The following PCDHGA8 variants were observed in gnomAD, a reference collection of about 807,000 sequenced individuals.
PCDHGA8 encodes protocadherin gamma-A8.
Under a neutral mutation model 59.2 loss-of-function variants are expected in PCDHGA8, and 45 were observed. The ratio of observed to expected loss-of-function variants is 0.76; its 90% CI spans 0.60 to 0.98. PCDHGA8 has a LOEUF of 0.98. PCDHGA8 is among the 50% of genes least tolerant of loss of function. PCDHGA8 has a pLI of 0.00. For missense variants in PCDHGA8, 1,257 were observed against 1,196.2 expected, an observed-to-expected ratio of 1.05 and a Z score of -0.75; for synonymous variants, 531 against 519.0, an observed-to-expected ratio of 1.02 and a Z score of -0.32.
In PCDHGA8 at chr5:141,394,790, G is replaced by A. The variant is rs776824024; in HGVS notation, c.1977G>A (p.Thr659=). The A allele has an allele frequency of 2.4e-5, 39 of 1,613,718 alleles. No homozygotes were observed. The African/African-American group carries it at 3.2e-4, about 13-fold the overall frequency. ...HGQPPLSATV[T]LTVAVADSIP... ...AGCCCCCTCTCTCCGCCACTGTCAC[G>A]CTCACCGTAGCCGTGGCTGACAGCA... Residue 659 remains threonine (T), a synonymous_variant, in exon 1 of 4, where the codon ACG becomes ACA. Transcript: ENST00000398604.
In PCDHGA8 at chr5:141,476,850, A is replaced by G. The variant is rs747333239; in HGVS notation, c.2425-17957A>G. The G allele has an allele frequency of 1.2e-6, 2 of 1,613,836 alleles. No individual in the cohort carries two copies. Among genetic ancestry groups the G allele is most frequent in the Admixed American group, 3.3e-5 (2 of 60,030 alleles). ...GCGAATGACAATGCGCCTGTCTTCA[A>G]CCAGTCCTTGTACCGGGCGCGCGTC... is the stretch of plus-strand genomic sequence containing the variant. On this transcript the variant is annotated intron_variant, in intron 1 of 3. Transcript: ENST00000398604. The surrounding 1 kb of genome is among the most constrained non-coding windows in gnomAD (Gnocchi z 7.6).
In PCDHGA8 at chr5:141,431,561, G is replaced by T; in HGVS notation, c.2424+36324G>T. The T allele has an allele frequency of 6.2e-7, 1 of 1,614,146 alleles. No homozygotes were observed. On this transcript the variant is annotated intron_variant, in intron 1 of 3. Transcript: ENST00000398604. This position sits in a 1 kb window ranked among gnomAD's most constrained non-coding sequence, Gnocchi z 4.8. Reference sequence around the variant, plus strand: ...GCAGCTGCTTGTAGTCAACGCTACCGACCCTGACGAAGGAGTCAATGCGGA... The same window carrying T: ...GCAGCTGCTTGTAGTCAACGCTACCTACCCTGACGAAGGAGTCAATGCGGA...
chr5:141,443,223 A>G (rs2098374731), intron 1 of PCDHGA8, among the ~76,000 whole-genome samples: 1 of 152,044 alleles, frequency 6.6e-6, no homozygotes, highest in African/African-American at 2.4e-5. Flanking sequence ...AGGCGCATCT[A>G]TAATCTTAGC....
chr5:141,415,427 G>C, intron 1 of PCDHGA8: 3 of 1,614,188 alleles, frequency 1.9e-6, no homozygotes, highest in Non-Finnish European at 2.5e-6. Flanking sequence ...GACGGGGTTC[G>C]GGCTTTCCTG....
At chr5:141,481,035 G>C (rs1342607604) in intron 1 of PCDHGA8, among the ~76,000 whole-genome samples, 1 of 152,094 alleles carries the variant, frequency 6.6e-6, no homozygotes, top group Non-Finnish European at 1.5e-5. Flanking sequence ...TCCAGCCTGG[G>C]CGACAGAGCG....
chr5:141,409,938 C>T (rs754052398), intron 1 of PCDHGA8: 114 of 1,613,200 alleles, frequency 7.1e-5, no homozygotes, highest in Admixed American at 4.3e-4. Flanking sequence ...GATATGGTAC[C>T]TCGCTCTGCA....
chr5:141,483,401 A>G (rs1052240280), intron 1 of PCDHGA8, among the ~76,000 whole-genome samples: 2 of 152,202 alleles, frequency 1.3e-5, no homozygotes, highest in African/African-American at 4.8e-5. Context: ...TGCTTGAACC[A>G]GCACAGTGGC....
chr5:141,454,796 A>ATTTTTTTTTTTTTT lies in PCDHGA8; in HGVS notation c.2425-39995_2425-39982dup, dbSNP rs61612330. ...AAGGAAATAATCCTCCATGGTTCTA[A>ATTTTTTTTTTTTTT]TTTTTTTTTTTTTTTTTTTTTTTTT... On this transcript the variant is annotated intron_variant, in intron 1 of 3. Coordinates refer to ENST00000398604, the MANE Select transcript of PCDHGA8 (RefSeq NM_032088.2). 1.1e-3 allele frequency among the ~76,000 whole-genome samples: 87 copies of ATTTTTTTTTTTTTT among 77,456 alleles called. 11 individuals carry two copies. The highest frequency in any genetic ancestry group is 1.4e-3 in the Admixed American group (8 of 5,554). The allele number at this position is 77,456 out of a possible 152,430, so 50.8% of individuals were successfully genotyped here.
intron 1 of PCDHGA8, chr5:141,408,300 T>TC: frequency 6.2e-7 from 1 of 1,613,732 alleles, no homozygotes; most frequent in South Asian, 1.1e-5. Context: ...AGTGAGCCGA[T>TC]CCGCTACTCG....
intron 1 of PCDHGA8, among the ~76,000 whole-genome samples, chr5:141,447,123 T>TTTTG (rs1327676720): frequency 6.6e-6 from 1 of 152,160 alleles, no homozygotes; most frequent in Admixed American, 6.6e-5. Context: ...CCATGGATTT[T>TTTTG]TTTGTTTGTT....
chr5:141,414,724 G>A (rs1461729604), intron 1 of PCDHGA8: 48 of 1,614,138 alleles, frequency 3.0e-5, no homozygotes, highest in Non-Finnish European at 3.9e-5. Context: ...AGACACTGGC[G>A]TCCTGTATGC....
chr5:141,458,340 G>C (rs4551132), intron 1 of PCDHGA8, among the ~76,000 whole-genome samples: 42,372 of 151,882 alleles, frequency 0.28, 6,646 homozygotes, highest in African/African-American at 0.43. Context: ...TTTAAGGAGT[G>C]GAGAGTTTAA....
Position 141,465,218 on chromosome 5 carries a change from A to G in PCDHGA8, c.2425-29589A>G, listed in dbSNP as rs151158068. ...ATAAAAATATAAGCTTTATTTTTCA[A>G]CATGAGCTCCATCAAGTTCAAGGCA... On this transcript the variant is annotated intron_variant, in intron 1 of 3. Coordinates refer to ENST00000398604, the MANE Select transcript of PCDHGA8 (RefSeq NM_032088.2). Among the ~76,000 whole-genome samples, 591 of 152,288 alleles carry G rather than the reference A, an allele frequency of 3.9e-3. 6 individuals carry two copies. The highest frequency in any genetic ancestry group is 0.011 in the Admixed American group (171 of 15,290).
intron 1 of PCDHGA8, among the ~76,000 whole-genome samples, chr5:141,448,706 C>T (rs1344013319): frequency 1.3e-5 from 2 of 151,730 alleles, no homozygotes; most frequent in African/African-American, 2.4e-5. Flanking sequence ...TTTGGGAGGC[C>T]GAGGCGGGAG....
At position 141,491,794 on chromosome 5, in the gene PCDHGA8, TC is replaced by T; in HGVS notation, c.2425-3011del. On this transcript the variant is annotated intron_variant, in intron 1 of 3. Transcript: ENST00000398604. This position sits in a 1 kb window ranked among gnomAD's most constrained non-coding sequence, Gnocchi z 6.9. ...GGGATTGAACTTGCATCCACTCCTC[TC>T]CGGCCGGCTTGGTCGCTGGCTGCGC... is the stretch of plus-strand genomic sequence containing the variant. The T allele has an allele frequency of 6.6e-7, 1 of 1,511,056 alleles. No individual in the cohort carries two copies. The highest frequency in any genetic ancestry group is 8.8e-7 in the Non-Finnish European group (1 of 1,130,146). The allele number at this position is 1,511,056 out of a possible 1,614,324, so 93.6% of individuals were successfully genotyped here.
intron 1 of PCDHGA8, among the ~76,000 whole-genome samples, chr5:141,482,884 C>A (rs2099574053): frequency 6.6e-6 from 1 of 152,116 alleles, no homozygotes; most frequent in Non-Finnish European, 1.5e-5. Flanking sequence ...CCAGCCTGGC[C>A]AACATGGTGA....
rs371130763 is a variant in PCDHGA8 at position 141,432,970 on chromosome 5, G to A, written c.2424+37733G>A. The A allele has an allele frequency of 5.0e-6, 8 of 1,613,996 alleles. No homozygotes were observed. Among genetic ancestry groups the A allele is most frequent in the East Asian group, 4.5e-5 (2 of 44,868 alleles). ...GAGGCGGCTTGACAGGAGCGCCGGC[G>A]TCGCACTTTGTGGGCGTGGACGGGG... On this transcript the variant is annotated intron_variant, in intron 1 of 3. Transcript: ENST00000398604. The surrounding 1 kb of genome is among the most constrained non-coding windows in gnomAD (Gnocchi z 6.0).
intron 1 of PCDHGA8, among the ~76,000 whole-genome samples, chr5:141,462,825 C>T (rs1040054698): frequency 4.6e-5 from 7 of 152,124 alleles, no homozygotes; most frequent in Admixed American, 3.9e-4. Context: ...GGACAGCAGA[C>T]ATTGTAAATG....
intron 1 of PCDHGA8, among the ~76,000 whole-genome samples, chr5:141,474,082 C>CA (rs1449032579): frequency 1.3e-5 from 2 of 152,064 alleles, no homozygotes; most frequent in African/African-American, 4.8e-5. Context: ...AAACAAAAAC[C>CA]AAAAAACAAA....
Sources: gnomAD v4.1 joint callset for allele counts (sites outside exome capture counted in the v4.1 genomes callset) on GRCh38, gnomAD v4.1.1 for gene constraint, Gnocchi (gnomAD v3.1) non-coding constraint, MANE v1.5 for transcripts, NCBI Gene and HGNC (gene_info 2026-07-23, HGNC 2026-07-21) for gene names.